The following ACSM6 variants were observed in gnomAD, a reference collection of about 807,000 sequenced individuals.
The protein encoded by ACSM6 is acyl-coenzyme A synthetase ACSM6, mitochondrial.
Under a neutral mutation model 51.1 loss-of-function variants are expected in ACSM6, and 35 were observed. The ratio of observed to expected loss-of-function variants is 0.69; its 90% CI spans 0.52 to 0.91. ACSM6 has a LOEUF of 0.91. ACSM6 is among the 40% of genes least tolerant of loss of function. The pLI is 0.00. For synonymous variants in ACSM6, 172 were observed against 207.3 expected (o/e 0.83, Z 1.46); for missense variants, 509 against 584.1 (o/e 0.87, Z 1.32).
At position 95,208,932 on chromosome 10, in the gene ACSM6, T is replaced by TAAAAA. The variant is rs1250215796; in HGVS notation, c.611+1517_611+1518insAAAAA. Among the ~76,000 whole-genome samples, 5 of 9,026 alleles carry TAAAAA rather than the reference T, an allele frequency of 5.5e-4. No individual in the cohort carries two copies. In the South Asian group the frequency reaches 0.015, roughly 26 times the overall value. The allele number at this position is 9,026 out of a possible 152,430, so 5.9% of individuals were successfully genotyped here. ...GCAGTATTTCAGTGTCCAGGGATGT[T>TAAAAA]TAAAAAAAAAAAAAAAAAAAAAAAA... On this transcript the variant is annotated intron_variant, in intron 4 of 10. Coordinates refer to ENST00000341686, the Ensembl canonical transcript of ACSM6.
At chr10:95,212,087 T>A in intron 6 of ACSM6, 53 bp downstream of exon 6, 1 of 1,604,504 alleles carries the variant, frequency 6.2e-7, no homozygotes, top group Middle Eastern at 1.7e-4. Flanking sequence ...GAGAGAGGCA[T>A]TAGCAATGAC....
At chr10:95,207,323 C>T in exon 4 of ACSM6, 2 of 1,614,134 alleles carry the variant, frequency 1.2e-6, no homozygotes, top group Non-Finnish European at 1.7e-6. Context: ...CAGTTGTAAA[C>T]TCTGCCGTGT....
intron 3 of ACSM6, among the ~76,000 whole-genome samples, chr10:95,203,906 G>A (rs1455822487): frequency 1.3e-5 from 2 of 151,076 alleles, no homozygotes; most frequent in Non-Finnish European, 2.9e-5. Context: ...CAAAGAGCAG[G>A]TGTCTTTGAG....
At chr10:95,208,346 G>T (rs1427954694) in intron 4 of ACSM6, among the ~76,000 whole-genome samples, 1 of 152,090 alleles carries the variant, frequency 6.6e-6, no homozygotes, top group East Asian at 1.9e-4. Flanking sequence ...GAGAGGATGA[G>T]GAATGAGAAA....
chr10:95,215,112 C>G, intron 8 of ACSM6, 137 bp downstream of exon 8: 1 of 971,912 alleles, frequency 1.0e-6, no homozygotes, highest in Non-Finnish European at 1.5e-6. Flanking sequence ...ATGGCTTAAA[C>G]TAGGGAGACC....
intron 8 of ACSM6, among the ~76,000 whole-genome samples, chr10:95,219,550 T>A (rs1163577529): frequency 6.6e-6 from 1 of 152,260 alleles, no homozygotes; most frequent in Non-Finnish European, 1.5e-5. Context: ...GTAAGACTTT[T>A]GTGTATCTTT....
chr10:95,228,069 C>A (rs1247575415), intron 10 of ACSM6, among the ~76,000 whole-genome samples: 35 of 148,520 alleles, frequency 2.4e-4, no homozygotes, highest in Non-Finnish European at 5.9e-5. Context: ...GAGACTGTTT[C>A]AATTAAAAAA....
chr10:95,222,552 G>C (rs1482137024), intron 9 of ACSM6, among the ~76,000 whole-genome samples: 2 of 151,872 alleles, frequency 1.3e-5, no homozygotes, highest in Non-Finnish European at 2.9e-5. Flanking sequence ...GAACGCGGGA[G>C]GTGCAGGTTG....
chr10:95,219,758 T>TA, intron 8 of ACSM6, 133 bp from the exon 9 acceptor site: 1 of 624,386 alleles, frequency 1.6e-6, no homozygotes, highest in East Asian at 2.8e-5. Flanking sequence ...GATTTTTTTT[T>TA]AATCAAGATT....
At chr10:95,210,044 T>G (rs1032097) in intron 4 of ACSM6, among the ~76,000 whole-genome samples, 3,379 of 152,312 alleles carry the variant, frequency 0.022, 136 homozygotes, top group African/African-American at 0.075. Flanking sequence ...TTTGGAAGTG[T>G]TGTTGTCCTG....
chr10:95,195,761 A>G (rs1273381496), intron 2 of ACSM6, among the ~76,000 whole-genome samples: 1 of 151,848 alleles, frequency 6.6e-6, no homozygotes, highest in African/African-American at 2.4e-5. Flanking sequence ...AAAGTGGACA[A>G]AACAGTAATT....
rs2034848188 is a variant in ACSM6 at position 95,207,284 on chromosome 10, G to C, written c.480G>C (p.Gln160His). 4 of 1,614,160 alleles carry C rather than the reference G, an allele frequency of 2.5e-6. No homozygotes were observed. The East Asian group carries it at 8.9e-5, about 36-fold the overall frequency. ...ATCAATTACGCATGTCTAAGGCCCA[G>C]TGCATTGTGGCTAATGAAGCTATGG... Residue 160 changes from glutamine (Q) to histidine (H), a missense_variant, in exon 4 of 11, where the codon CAG becomes CAC. Physicochemically the swap from Gln to His is conservative, Grantham distance 24. Coordinates refer to ENST00000341686, the Ensembl canonical transcript of ACSM6.
chr10:95,210,610 T>C, intron 4 of ACSM6, 40 bp from the exon 5 acceptor site: 1 of 1,591,378 alleles, frequency 6.3e-7, no homozygotes, highest in Non-Finnish European at 8.5e-7. Flanking sequence ...TCAGAGAACC[T>C]AAATTTAGAT....
intron 3 of ACSM6, among the ~76,000 whole-genome samples, chr10:95,204,511 G>A (rs1217137597): frequency 2.0e-5 from 3 of 152,038 alleles, no homozygotes; most frequent in Non-Finnish European, 2.9e-5. Flanking sequence ...CCAAGATCAC[G>A]CCACTGCACT....
At chr10:95,228,925 T>A (rs1462133350) in exon 11 of ACSM6, 2 of 902,404 alleles carry the variant, frequency 2.2e-6, no homozygotes, top group Non-Finnish European at 3.1e-6. Context: ...TCATCCATAA[T>A]CTCATATTGT....
At chr10:95,197,597 G>A (rs1404940283) in intron 2 of ACSM6, among the ~76,000 whole-genome samples, 4 of 152,078 alleles carry the variant, frequency 2.6e-5, no homozygotes, top group Non-Finnish European at 4.4e-5. Flanking sequence ...CTGCAAACAT[G>A]TCTCACCTCC....
chr10:95,223,608 G>A (rs930295258), intron 9 of ACSM6, among the ~76,000 whole-genome samples: 15 of 151,834 alleles, frequency 9.9e-5, no homozygotes, highest in Middle Eastern at 3.4e-3. Context: ...AAAAATCATT[G>A]ACAAAATCTA....
intron 4 of ACSM6, among the ~76,000 whole-genome samples, chr10:95,208,200 C>G (rs1324124826): frequency 6.6e-6 from 1 of 151,742 alleles, no homozygotes; most frequent in African/African-American, 2.4e-5. Context: ...AGGACATTAT[C>G]TTATGTCAAA....
At chr10:95,214,787 C>T in intron 7 of ACSM6, 65 bp from the exon 8 acceptor site, 1 of 1,504,196 alleles carries the variant, frequency 6.6e-7, no homozygotes, top group South Asian at 1.3e-5. Context: ...AAGATTCTTT[C>T]TAACAGACCT....
Sources: gnomAD v4.1 joint callset for allele counts (sites outside exome capture counted in the v4.1 genomes callset) on GRCh38, gnomAD v4.1.1 for gene constraint, MANE v1.5 for transcripts, NCBI Gene and HGNC (gene_info 2026-07-23, HGNC 2026-07-21) for gene names.